The following AFG1L variants were observed in gnomAD, a reference collection of about 807,000 sequenced individuals.
AFG1L encodes AFG1-like ATPase.
AFG1L carries 53 observed loss-of-function variants against 62.2 expected under a neutral mutation model. That is an observed-to-expected ratio of 0.85 (90% CI 0.68 to 1.07). The LOEUF (loss-of-function observed/expected upper bound fraction) is 1.07. AFG1L is among the 50% of genes least tolerant of loss of function. AFG1L has a pLI of 0.00. For synonymous variants in AFG1L, 228 were observed against 210.3 expected (o/e 1.08, Z -0.73); for missense variants, 555 against 590.5 (o/e 0.94, Z 0.62).
At chr6:108,508,454 GCCT>G (rs1414390512) in intron 10 of AFG1L, among the ~76,000 whole-genome samples, 2 of 152,322 alleles carry the variant, frequency 1.3e-5, no homozygotes, top group East Asian at 1.9e-4. Context: ...GGCGGAGCTT[GCCT>G]CCTCCTGGCT....
intron 4 of AFG1L, 76 bp from the exon 5 acceptor site, chr6:108,356,614 G>T: frequency 9.6e-7 from 1 of 1,042,334 alleles, no homozygotes; most frequent in South Asian, 2.4e-5. Flanking sequence ...GTTTCATTTA[G>T]AGATTTTAAA....
At chr6:108,328,776 T>C (rs1778158208) in intron 2 of AFG1L, among the ~76,000 whole-genome samples, 1 of 152,150 alleles carries the variant, frequency 6.6e-6, no homozygotes, top group Non-Finnish European at 1.5e-5. Flanking sequence ...ATTAACTTAT[T>C]TGGTTGCCAA....
At chr6:108,424,984 G>T (rs534431543) in intron 7 of AFG1L, among the ~76,000 whole-genome samples, 57 of 152,242 alleles carry the variant, frequency 3.7e-4, no homozygotes, top group African/African-American at 1.4e-3. Flanking sequence ...ACTGGACAAA[G>T]CTTAGAAGGG....
chr6:108,343,403 C>A (rs1162871208), intron 2 of AFG1L, among the ~76,000 whole-genome samples: 3 of 152,092 alleles, frequency 2.0e-5, no homozygotes, highest in African/African-American at 7.2e-5. Flanking sequence ...TCTTTCCCCC[C>A]ATCTTTCTTC....
At chr6:108,460,443 G>C (rs549907610) in intron 8 of AFG1L, among the ~76,000 whole-genome samples, 88 of 152,182 alleles carry the variant, frequency 5.8e-4, no homozygotes, top group Non-Finnish European at 2.6e-4. Flanking sequence ...GACAATCTCT[G>C]CTTTTTGATT....
intron 6 of AFG1L, among the ~76,000 whole-genome samples, chr6:108,375,785 T>A (rs1472684926): frequency 6.6e-6 from 1 of 152,018 alleles, no homozygotes; most frequent in Non-Finnish European, 1.5e-5. Flanking sequence ...GCCTTTTTAT[T>A]GTCTCTTTGC....
chr6:108,436,155 G>GT (rs1006429415), intron 7 of AFG1L, among the ~76,000 whole-genome samples: 23 of 151,114 alleles, frequency 1.5e-4, no homozygotes, highest in East Asian at 1.9e-4. Context: ...ATGAGATTAG[G>GT]TTTTTTTTTA....
At chr6:108,475,837 G>T (rs1160268545) in intron 8 of AFG1L, among the ~76,000 whole-genome samples, 1 of 152,136 alleles carries the variant, frequency 6.6e-6, no homozygotes, top group East Asian at 1.9e-4. Context: ...ATTATCTCAA[G>T]GGAGAATTTG....
chr6:108,320,988 T>C (rs1381215522), intron 1 of AFG1L, among the ~76,000 whole-genome samples: 1 of 152,142 alleles, frequency 6.6e-6, no homozygotes, highest in East Asian at 1.9e-4. Flanking sequence ...GAGAAGAGCG[T>C]TTTTCTCTTG....
At chr6:108,467,448 A>G (rs1324073039) in intron 8 of AFG1L, among the ~76,000 whole-genome samples, 1 of 152,078 alleles carries the variant, frequency 6.6e-6, no homozygotes, top group Non-Finnish European at 1.5e-5. Context: ...GAGTTTCGCC[A>G]TATTAGCTAG....
At chr6:108,432,874 G>T (rs1771136530) in intron 7 of AFG1L, among the ~76,000 whole-genome samples, 1 of 152,222 alleles carries the variant, frequency 6.6e-6, no homozygotes, top group African/African-American at 2.4e-5. Flanking sequence ...TGGGCAGCCA[G>T]TGTTGAGAAC....
chr6:108,500,198 G>GTGTGTA (rs1168423290), intron 10 of AFG1L, among the ~76,000 whole-genome samples: 1 of 151,354 alleles, frequency 6.6e-6, no homozygotes, highest in African/African-American at 2.4e-5. Flanking sequence ...GTGTGTGTGT[G>GTGTGTA]TGTGTGTGTG....
chr6:108,343,336 C>A (rs1778749879), intron 2 of AFG1L, among the ~76,000 whole-genome samples: 1 of 145,554 alleles, frequency 6.9e-6, no homozygotes. Context: ...GTGTGAGCCA[C>A]CACGCCCGGC....
chr6:108,348,556 A>G (rs947232152), intron 3 of AFG1L, among the ~76,000 whole-genome samples: 11 of 152,226 alleles, frequency 7.2e-5, no homozygotes, highest in African/African-American at 2.7e-4. Flanking sequence ...TTGCCCCTTA[A>G]AATTCTTCAG....
intron 7 of AFG1L, among the ~76,000 whole-genome samples, chr6:108,406,171 T>C (rs1781842855): frequency 6.6e-6 from 1 of 152,250 alleles, no homozygotes; most frequent in South Asian, 2.1e-4. Flanking sequence ...CTACATCTTA[T>C]GGTAATTATA....
intron 7 of AFG1L, among the ~76,000 whole-genome samples, chr6:108,416,134 A>C (rs1312534657): frequency 6.6e-6 from 1 of 152,232 alleles, no homozygotes; most frequent in African/African-American, 2.4e-5. Flanking sequence ...CACTTCTCAA[A>C]AGAAGACATT....
At chr6:108,398,716 C>T (rs927912629) in intron 6 of AFG1L, among the ~76,000 whole-genome samples, 11 of 152,094 alleles carry the variant, frequency 7.2e-5, no homozygotes, top group African/African-American at 2.7e-4. Context: ...GTCTTTTCCC[C>T]AGTGTGTATT....
intron 6 of AFG1L, among the ~76,000 whole-genome samples, chr6:108,367,894 T>C (rs561786217): frequency 6.6e-6 from 1 of 152,294 alleles, no homozygotes; most frequent in South Asian, 2.1e-4. Context: ...ACCATTGCAA[T>C]TAGTAACATG....
intron 1 of AFG1L, among the ~76,000 whole-genome samples, chr6:108,322,275 T>C (rs1777841451): frequency 2.0e-5 from 3 of 152,166 alleles, no homozygotes; most frequent in Non-Finnish European, 4.4e-5. Context: ...CAGCTCAGCA[T>C]TGTTGGAGAA....
Sources: allele counts gnomAD v4.1 joint callset (sites outside exome capture counted in the v4.1 genomes callset), GRCh38; gene constraint gnomAD v4.1.1; transcripts MANE v1.5; gene names NCBI Gene and HGNC (gene_info 2026-07-23, HGNC 2026-07-21).